The following SEMA3A variants were observed in gnomAD, a reference collection of about 807,000 sequenced individuals.
SEMA3A encodes the protein semaphorin 3A.
Under a neutral mutation model 97.9 loss-of-function variants are expected in SEMA3A, and 29 were observed. That is an observed-to-expected ratio of 0.30 (90% confidence interval 0.22 to 0.40). The LOEUF is 0.40. Ranked by LOEUF, SEMA3A falls within the 10% of genes least tolerant of loss-of-function variation. SEMA3A has a pLI of 1.00. For synonymous variants in SEMA3A, 321 were observed against 323.7 expected (o/e 0.99, Z 0.09); for missense variants, 763 against 951.3 (o/e 0.80, Z 2.60).
rs191381319 is a variant in SEMA3A at position 84,190,595 on chromosome 7, G to A, written c.112+3880C>T. On this transcript the variant is annotated intron_variant, in intron 1 of 16. Transcript: ENST00000265362. ...CCTAAAAACATTCCATTTTAGCTGT[G>A]AGCAGATTTTTAGGGTAAGACTAGC... Among the ~76,000 whole-genome samples the A allele has an allele frequency of 1.3e-3, 200 of 151,004 alleles. 1 individual carries two copies. Among genetic ancestry groups the A allele is most frequent in the Non-Finnish European group, 2.2e-3 (150 of 67,454 alleles).
chr7:84,476,007 C>A (rs1294751171), intron 1 of SEMA3A, among the ~76,000 whole-genome samples: 1 of 152,076 alleles, frequency 6.6e-6, no homozygotes, highest in Non-Finnish European at 1.5e-5. Context: ...TTTTCAATTT[C>A]CATAAAAGTT....
At chr7:84,087,430 G>T (rs1460087857) in intron 4 of SEMA3A, among the ~76,000 whole-genome samples, 1 of 152,150 alleles carries the variant, frequency 6.6e-6, no homozygotes, top group Non-Finnish European at 1.5e-5. Context: ...TTCATGCCAG[G>T]GGCTAGTGTT....
At chr7:84,301,321 AAC>A (rs764059817) in intron 3 of SEMA3A, among the ~76,000 whole-genome samples, 4 of 152,068 alleles carry the variant, frequency 2.6e-5, no homozygotes, top group Admixed American at 2.6e-4. Flanking sequence ...ATATTCACAA[AAC>A]ACACACACAC....
intron 3 of SEMA3A, among the ~76,000 whole-genome samples, chr7:84,234,350 T>C (rs1352096851): frequency 6.6e-6 from 1 of 152,108 alleles, no homozygotes; most frequent in Non-Finnish European, 1.5e-5. Context: ...AAGAGGCTAG[T>C]GTTCTCTTAA....
At chr7:83,993,157 T>G (rs1436114868) in intron 12 of SEMA3A, among the ~76,000 whole-genome samples, 2 of 139,128 alleles carry the variant, frequency 1.4e-5, no homozygotes, top group Middle Eastern at 3.2e-3. Flanking sequence ...TTTTTTTGTT[T>G]TCCATTTGCT....
chr7:84,204,759 G>C (rs1798446218), intron 3 of SEMA3A, among the ~76,000 whole-genome samples: 1 of 152,180 alleles, frequency 6.6e-6, no homozygotes, highest in Non-Finnish European at 1.5e-5. Flanking sequence ...GTATTAAAAT[G>C]TGAAGATTGG....
At chr7:84,126,374 T>C (rs1367233915) in intron 3 of SEMA3A, among the ~76,000 whole-genome samples, 1 of 151,884 alleles carries the variant, frequency 6.6e-6, no homozygotes, top group Non-Finnish European at 1.5e-5. Flanking sequence ...CCTGGCTAAT[T>C]TTTGTATTTT....
At chr7:83,981,062 G>A (rs1789394141) in intron 14 of SEMA3A, among the ~76,000 whole-genome samples, 1 of 152,052 alleles carries the variant, frequency 6.6e-6, no homozygotes, top group South Asian at 2.1e-4. Flanking sequence ...AACATGTTTG[G>A]AAAACAGAGT....
intron 2 of SEMA3A, among the ~76,000 whole-genome samples, chr7:84,325,316 A>T (rs981617): frequency 4.6e-5 from 7 of 152,094 alleles, no homozygotes; most frequent in Non-Finnish European, 7.4e-5. Flanking sequence ...CAATCAAATT[A>T]TGATTTTAAA....
chr7:84,407,904 T>G (rs947640713), intron 1 of SEMA3A, among the ~76,000 whole-genome samples: 2 of 152,180 alleles, frequency 1.3e-5, no homozygotes, highest in African/African-American at 4.8e-5. Flanking sequence ...CGAGATGGAT[T>G]AAAGACTTAC....
chr7:84,234,814 C>A (rs1306259292), intron 3 of SEMA3A, among the ~76,000 whole-genome samples: 1 of 151,970 alleles, frequency 6.6e-6, no homozygotes, highest in Non-Finnish European at 1.5e-5. Context: ...CTTCTGCCTG[C>A]CGTGTGTGTG....
chr7:84,055,584 A>C (rs531107891), intron 5 of SEMA3A, among the ~76,000 whole-genome samples: 1 of 152,134 alleles, frequency 6.6e-6, no homozygotes, highest in Non-Finnish European at 1.5e-5. Flanking sequence ...GCGCGCACCC[A>C]CTGACCTGCG....
chr7:84,329,938 A>T (rs1801873020), intron 2 of SEMA3A, among the ~76,000 whole-genome samples: 1 of 151,992 alleles, frequency 6.6e-6, no homozygotes, highest in Non-Finnish European at 1.5e-5. Flanking sequence ...AGGGCTTGTA[A>T]CTGCTGGTTT....
intron 1 of SEMA3A, among the ~76,000 whole-genome samples, chr7:84,455,483 C>T (rs1805665802): frequency 6.6e-6 from 1 of 151,822 alleles, no homozygotes; most frequent in Admixed American, 6.6e-5. Flanking sequence ...TATTTTATAA[C>T]CTCTTTACAA....
At position 84,005,425 on chromosome 7, in the gene SEMA3A, G is replaced by A. The variant is rs778384312; in HGVS notation, c.1274C>T (p.Thr425Met). The A allele has an allele frequency of 8.1e-6, 13 of 1,613,632 alleles. No homozygotes were observed. The highest frequency in any genetic ancestry group is 1.1e-5 in the South Asian group (1 of 91,056). ...TTGTGTAAATTGATAATTTACATCC[G>A]TTTTGATCACTATTGGGCGATTGTT... is the stretch of plus-strand genomic sequence containing the variant. ...PMNNRPIVIKTDVNYQFTQIV... is the reference protein window; with the variant it reads ...PMNNRPIVIKMDVNYQFTQIV... The change falls in exon 11 of 17, where the codon ACG (threonine) becomes ATG (methionine). Residue 425 changes from threonine to methionine, a missense_variant. Physicochemically the swap from Thr to Met is moderately conservative, Grantham distance 81. This residue lies in a region of SEMA3A where 678 missense variants were observed against 881.3 expected (regional missense o/e 0.77). Transcript: ENST00000265362.
intron 3 of SEMA3A, among the ~76,000 whole-genome samples, chr7:84,281,393 A>G (rs1023572253): frequency 4.6e-5 from 7 of 152,156 alleles, no homozygotes; most frequent in Non-Finnish European, 8.8e-5. Flanking sequence ...GAGCCATGGT[A>G]GATTCAAGGA....
At chr7:84,135,805 TA>T (rs1044779387) in intron 1 of SEMA3A, among the ~76,000 whole-genome samples, 14 of 152,150 alleles carry the variant, frequency 9.2e-5, no homozygotes, top group Non-Finnish European at 1.9e-4. Context: ...AGCTGATATA[TA>T]GAGAGAAACT....
intron 1 of SEMA3A, among the ~76,000 whole-genome samples, chr7:84,429,545 T>TAGAGAGAG (rs1274042565): frequency 1.6e-5 from 2 of 122,262 alleles, no homozygotes; most frequent in African/African-American, 6.1e-5. Context: ...TATATATATA[T>TAGAGAGAG]ATAGCGAGAG....
At chr7:84,240,595 C>A (rs1488552145) in intron 3 of SEMA3A, among the ~76,000 whole-genome samples, 1 of 152,150 alleles carries the variant, frequency 6.6e-6, no homozygotes, top group Non-Finnish European at 1.5e-5. Flanking sequence ...CGCAAAGAAG[C>A]ATGGGACAGC....
Sources: gnomAD v4.1 joint callset for allele counts (sites outside exome capture counted in the v4.1 genomes callset) on GRCh38, gnomAD v4.1.1 for gene constraint, gnomAD v4.1.1 regional missense constraint, MANE v1.5 for transcripts, NCBI Gene and HGNC (gene_info 2026-07-23, HGNC 2026-07-21) for gene names.